The following MID1 variants were observed in gnomAD, a reference collection of about 807,000 sequenced individuals.
The protein encoded by MID1 is E3 ubiquitin-protein ligase Midline-1.
In MID1, 7 loss-of-function variants were observed where a neutral mutation model predicts 40.4. That is an observed-to-expected ratio of 0.17 (90% CI 0.10 to 0.33). MID1 has a LOEUF of 0.33. Ranked by LOEUF, MID1 falls within the 10% of genes least tolerant of loss-of-function variation. The probability of loss-of-function intolerance (pLI) is 1.00; values close to 1 mark genes in which losing one functional copy is unlikely to be tolerated. For missense variants in MID1, 367 were observed against 558.5 expected (o/e 0.66, Z 3.46); for synonymous variants, 229 against 221.2 (o/e 1.04, Z -0.31).
At chrX:10,453,131 T>C (rs1005671508) in intron 9 of MID1, among the ~76,000 whole-genome samples, 4 of 111,335 alleles carry the variant, frequency 3.6e-5, no homozygotes, top group Non-Finnish European at 7.5e-5. Flanking sequence ...TGGCAGGATG[T>C]TGGAACAGAA....
chrX:10,453,578 C>T (rs924392645), intron 9 of MID1, among the ~76,000 whole-genome samples: 3 of 112,027 alleles, frequency 2.7e-5, no homozygotes, highest in African/African-American at 6.5e-5. Context: ...CAAACTACTA[C>T]CCAGGGGCCA....
intron 1 of MID1, among the ~76,000 whole-genome samples, chrX:10,805,227 C>T (rs181294136): frequency 2.4e-5 from 2 of 82,787 alleles, no homozygotes; most frequent in Non-Finnish European, 4.6e-5. Flanking sequence ...CCCCTCCCCC[C>T]ACCCCACAAC....
intron 1 of MID1, among the ~76,000 whole-genome samples, chrX:10,829,071 C>T (rs1246399468): frequency 1.8e-5 from 2 of 112,186 alleles, no homozygotes; most frequent in African/African-American, 6.5e-5. Flanking sequence ...CCAAGGATAT[C>T]AGTTCGAGTA....
At chrX:10,623,111 C>G (rs1935954468), upstream of MID1, among the ~76,000 whole-genome samples, 2 of 98,481 alleles carry the variant, frequency 2.0e-5, no homozygotes, top group African/African-American at 8.1e-5. Context: ...AATAGCTGGG[C>G]ATGGTGGTGT....
chrX:10,690,219 A>C (rs764101879), intron 1 of MID1, among the ~76,000 whole-genome samples: 4 of 112,061 alleles, frequency 3.6e-5, no homozygotes, highest in Non-Finnish European at 7.5e-5. Flanking sequence ...CCATTTGACA[A>C]AGGAGACTTG....
chrX:10,540,439 T>C (rs1303399916), intron 2 of MID1, among the ~76,000 whole-genome samples: 1 of 111,925 alleles, frequency 8.9e-6, no homozygotes, highest in African/African-American at 3.3e-5. Flanking sequence ...CTGAGGTTCA[T>C]AGTAAGAAGT....
At chrX:10,788,901 C>A (rs757331178) in intron 1 of MID1, among the ~76,000 whole-genome samples, 1 of 112,182 alleles carries the variant, frequency 8.9e-6, no homozygotes, top group African/African-American at 3.2e-5. Flanking sequence ...GAGGCCGAGG[C>A]GGGAGGATCA....
In MID1 at chrX:10,495,645, A is replaced by T. The variant is rs1326064853; in HGVS notation, c.803T>A (p.Leu268His). The T allele has an allele frequency of 8.3e-7, 1 of 1,210,394 alleles. No individual in the cohort carries two copies. The highest frequency in any genetic ancestry group is 1.1e-6 in the Non-Finnish European group (1 of 894,340). ...TCTTTGCTGAATGATCTCAATGAGA[A>T]GATCACACTCCTCTGTCAATTTGGC... ...QEAKLTEECD[L>H]LIEIIQQRRQ... Residue 268 changes from leucine (L) to histidine (H), a missense_variant, in exon 4 of 10, where the codon CTT becomes CAT. Leu to His is a moderately conservative substitution (Grantham distance 99). Coordinates refer to ENST00000317552, the MANE Select transcript of MID1 (RefSeq NM_000381.4).
intron 6 of MID1, among the ~76,000 whole-genome samples, chrX:10,470,317 T>C (rs887737685): frequency 8.9e-6 from 1 of 111,795 alleles, no homozygotes; most frequent in Non-Finnish European, 1.9e-5. Flanking sequence ...CATGTGGGCA[T>C]GGCCAGGTTC....
intron 1 of MID1, among the ~76,000 whole-genome samples, chrX:10,742,481 T>G (rs1282983062): frequency 8.9e-6 from 1 of 112,447 alleles, no homozygotes; most frequent in African/African-American, 3.2e-5. Context: ...AAATCTGCTT[T>G]TCTCAAACAG....
intron 1 of MID1, among the ~76,000 whole-genome samples, chrX:10,820,187 G>T (rs1223100365): frequency 3.6e-5 from 4 of 112,259 alleles, no homozygotes; most frequent in Non-Finnish European, 7.5e-5. Flanking sequence ...GCACAGCCTG[G>T]AGGGCAAATG....
At chrX:10,550,060 C>A (rs1260613270) in intron 2 of MID1, among the ~76,000 whole-genome samples, 2 of 112,430 alleles carry the variant, frequency 1.8e-5, no homozygotes, top group African/African-American at 6.5e-5. Flanking sequence ...TTTGGAAGAC[C>A]AACTTAAAAT....
chrX:10,775,527 C>G (rs2043796304), intron 1 of MID1, among the ~76,000 whole-genome samples: 1 of 112,229 alleles, frequency 8.9e-6, no homozygotes, highest in Non-Finnish European at 1.9e-5. Flanking sequence ...TTAATTGAGT[C>G]ATGAATGCAT....
At chrX:10,531,071 A>G (rs574141127) in intron 2 of MID1, among the ~76,000 whole-genome samples, 206 of 111,695 alleles carry the variant, frequency 1.8e-3, no homozygotes, top group Non-Finnish European at 3.0e-3. Flanking sequence ...TCATTCCATA[A>G]TATTCAGAGT....
At position 10,613,668 on chromosome X, in the gene MID1, T is replaced by C. The variant is rs774599569; in HGVS notation, c.-57+6622A>G. Among the ~76,000 whole-genome samples the C allele has an allele frequency of 1.5e-4, 14 of 90,476 alleles. 1 individual carries two copies. The East Asian group carries it at 4.5e-3, about 29-fold the overall frequency. 78.6% of individuals were successfully genotyped at this position (90,476 alleles called of 115,157 possible). A position where few individuals can be genotyped will look rare whatever the true frequency, so the allele number is the denominator to read the frequency against. ...AAGCTGCTTACCATGTTTTGGGTTG[T>C]GTTCTTGCCCAGAACACAACTGAAA... On this transcript the variant is annotated intron_variant, in intron 1 of 9. Transcript: ENST00000317552.
intron 1 of MID1, among the ~76,000 whole-genome samples, chrX:10,805,108 T>C (rs1235173255): frequency 3.6e-5 from 4 of 109,756 alleles, no homozygotes; most frequent in Non-Finnish European, 7.6e-5. Context: ...TTAGGGTACA[T>C]GTGCACAATG....
intron 2 of MID1, among the ~76,000 whole-genome samples, chrX:10,531,088 C>T (rs982515545): frequency 9.0e-6 from 1 of 111,384 alleles, no homozygotes; most frequent in Admixed American, 9.6e-5. Flanking sequence ...GAGTGACATT[C>T]AGCAACTGTA....
At chrX:10,556,055 A>G (rs1479971286) in intron 2 of MID1, among the ~76,000 whole-genome samples, 3 of 108,611 alleles carry the variant, frequency 2.8e-5, no homozygotes, top group East Asian at 5.7e-4. Flanking sequence ...CCCAGGGCCA[A>G]CTTGCTTCAT....
chrX:10,663,487 C>T (rs1012206050), intron 1 of MID1, among the ~76,000 whole-genome samples: 2 of 111,934 alleles, frequency 1.8e-5, no homozygotes, highest in East Asian at 2.8e-4. Flanking sequence ...TCCGGTTGTA[C>T]GGAAATGCAT....
Sources: gnomAD v4.1 joint callset for allele counts (sites outside exome capture counted in the v4.1 genomes callset) on GRCh38, gnomAD v4.1.1 for gene constraint, MANE v1.5 for transcripts, NCBI Gene and HGNC (gene_info 2026-07-23, HGNC 2026-07-21) for gene names.